Variants in APPL2 observed in about 807,000 individuals in gnomAD.
APPL2 encodes DCC-interacting protein 13-beta.
APPL2 carries 84 observed loss-of-function variants against 92.7 expected under a neutral mutation model. The observed-to-expected ratio is 0.91, with a 90% CI of 0.76 to 1.09. The LOEUF (loss-of-function observed/expected upper bound fraction) is 1.09, where lower values mean the gene tolerates loss of function less well. Ranked by LOEUF, APPL2 falls within the 50% of genes least tolerant of loss-of-function variation. APPL2 has a pLI of 0.00. For missense variants in APPL2, 736 were observed against 824.5 expected (o/e 0.89, Z 1.31); for synonymous variants, 291 against 291.0 (o/e 1.00, Z 0.00).
intron 17 of APPL2, among the ~76,000 whole-genome samples, chr12:105,179,742 G>A (rs1456227512): frequency 1.3e-5 from 2 of 152,174 alleles, no homozygotes; most frequent in African/African-American, 4.8e-5. Flanking sequence ...GTGATGATGA[G>A]CTTTTTTTCA....
intron 5 of APPL2, among the ~76,000 whole-genome samples, chr12:105,209,604 T>G (rs1253048677): frequency 6.6e-6 from 1 of 152,182 alleles, no homozygotes; most frequent in African/African-American, 2.4e-5. Flanking sequence ...TGGAGTTTGT[T>G]TTTAAAATGA....
chr12:105,210,522 C>T (rs556552248), intron 5 of APPL2, among the ~76,000 whole-genome samples: 1 of 152,288 alleles, frequency 6.6e-6, no homozygotes, highest in South Asian at 2.1e-4. Flanking sequence ...CCTTTTCTAA[C>T]ATCAGCGAAG....
chr12:105,183,439 TAAAG>T (rs1186902072), intron 17 of APPL2, among the ~76,000 whole-genome samples: 1 of 152,212 alleles, frequency 6.6e-6, no homozygotes, highest in Non-Finnish European at 1.5e-5. Context: ...GGAGCTCTTG[TAAAG>T]CAGGTGTGGT....
chr12:105,217,126 G>T lies in APPL2; in HGVS notation c.228C>A (p.Gly76=). ...LAYEKQNFAL[G]KGDEEVISTL... ...TTGAAATTACTTCTTCATCACCTTT[G>T]CCAAGAGCAAAGTTCTAAGACCAAA... The change falls in exon 4 of 21, where the codon GGC becomes GGA. Residue 76 remains glycine (G), a synonymous_variant. Transcript: ENST00000258530. 2 of 1,610,230 alleles carry T rather than the reference G, an allele frequency of 1.2e-6. No homozygotes were observed. Among genetic ancestry groups the T allele is most frequent in the Non-Finnish European group, 1.7e-6 (2 of 1,177,484 alleles).
At chr12:105,230,830 T>G (rs1052263110) in intron 1 of APPL2, among the ~76,000 whole-genome samples, 2 of 152,190 alleles carry the variant, frequency 1.3e-5, no homozygotes, top group Admixed American at 1.3e-4. Context: ...CCAATGCTTA[T>G]CCATAGAAGA....
intron 2 of APPL2, among the ~76,000 whole-genome samples, chr12:105,219,920 C>T (rs965798496): frequency 6.6e-6 from 1 of 152,268 alleles, no homozygotes; most frequent in African/African-American, 2.4e-5. Flanking sequence ...CCCACAGAAT[C>T]ATTGTAACAG....
intron 17 of APPL2, among the ~76,000 whole-genome samples, chr12:105,179,397 T>C (rs1359528439): frequency 6.6e-6 from 1 of 152,214 alleles, no homozygotes; most frequent in Non-Finnish European, 1.5e-5. Context: ...TGATGGGCAT[T>C]TGGGTTGGTT....
chr12:105,186,665 CATAT>C (rs71069794), intron 17 of APPL2, among the ~76,000 whole-genome samples: 335 of 109,886 alleles, frequency 3.0e-3, no homozygotes, highest in African/African-American at 5.7e-3. Flanking sequence ...TCATATATAT[CATAT>C]ATATGATATA....
At chr12:105,194,400 G>A (rs751043788) in intron 14 of APPL2, among the ~76,000 whole-genome samples, 8 of 152,148 alleles carry the variant, frequency 5.3e-5, no homozygotes, top group Non-Finnish European at 1.0e-4. Context: ...GTTAATAAAT[G>A]GTAGAATGGG....
At chr12:105,212,370 C>A (rs887927430) in intron 4 of APPL2, among the ~76,000 whole-genome samples, 1 of 152,138 alleles carries the variant, frequency 6.6e-6, no homozygotes, top group East Asian at 1.9e-4. Context: ...TTTTTGCATG[C>A]CAGCTTTATA....
At chr12:105,184,566 TG>T (rs1886415204) in intron 17 of APPL2, among the ~76,000 whole-genome samples, 3 of 152,236 alleles carry the variant, frequency 2.0e-5, no homozygotes, top group Non-Finnish European at 4.4e-5. Context: ...TCTCTTTGCC[TG>T]GGTATCACCA....
At chr12:105,227,480 C>A (rs1008429473) in intron 2 of APPL2, among the ~76,000 whole-genome samples, 1 of 152,228 alleles carries the variant, frequency 6.6e-6, no homozygotes, top group Admixed American at 6.5e-5. Flanking sequence ...TATGCACTCA[C>A]AGGCACGCAC....
chr12:105,184,180 A>C (rs1886384132), intron 17 of APPL2, among the ~76,000 whole-genome samples: 1 of 152,166 alleles, frequency 6.6e-6, no homozygotes, highest in South Asian at 2.1e-4. Context: ...CCAGATTCTT[A>C]GCTTCCTCGC....
rs1592806403 is a variant in APPL2 at position 105,208,161 on chromosome 12, T to C, written c.412A>G (p.Asn138Asp). 6.2e-7 allele frequency: 1 copy of C among 1,614,246 alleles called. No homozygotes were observed. Among genetic ancestry groups the C allele is most frequent in the Middle Eastern group, 1.6e-4 (1 of 6,062 alleles). ...TLKDLFGLAS[N>D]EHDLSMAKYS... Reference sequence around the variant, plus strand: ...CAGGAATGGAGAAGGTGCCTACCATTGCTAGCGAGTCCAAATAGATCCTTT... The same window carrying C: ...CAGGAATGGAGAAGGTGCCTACCATCGCTAGCGAGTCCAAATAGATCCTTT... Residue 138 changes from asparagine (N) to aspartate (D), a missense_variant, in exon 6 of 21, where the codon AAT becomes GAT. Transcript: ENST00000258530.
Position 105,173,311 on chromosome 12 carries a change from T to A in APPL2, c.*1003A>T, listed in dbSNP as rs2440703. The A allele has an allele frequency of 1, 152,447 of 152,448 alleles. 76,223 individuals carry two copies. The highest frequency in any genetic ancestry group is 1 in the Non-Finnish European group (68,048 of 68,048). The allele number at this position is 152,448 out of a possible 1,614,324, so 9.4% of individuals were successfully genotyped here. On this transcript the variant is annotated 3_prime_UTR_variant, in exon 21 of 21. Coordinates refer to ENST00000258530, the MANE Select transcript of APPL2 (RefSeq NM_018171.5). ...CACATCTAACGAAAGAAACAGAATA[T>A]TTTTTATTGCTAGGTTAATTTATTA...
intron 19 of APPL2, 105 bp from the exon 20 acceptor site, chr12:105,176,187 C>T (rs761319416): frequency 2.0e-6 from 2 of 981,782 alleles, no homozygotes; most frequent in Admixed American, 5.3e-5. Flanking sequence ...TCACTGTTCC[C>T]ACTTGGGAAC....
chr12:105,221,929 T>C (rs1417543469), intron 2 of APPL2, among the ~76,000 whole-genome samples: 1 of 152,234 alleles, frequency 6.6e-6, no homozygotes, highest in African/African-American at 2.4e-5. Flanking sequence ...CCCAAGGGCC[T>C]CTGTGCGCAG....
chr12:105,213,433 G>A (rs1889382957), intron 4 of APPL2, among the ~76,000 whole-genome samples: 2 of 152,214 alleles, frequency 1.3e-5, no homozygotes, highest in South Asian at 4.1e-4. Flanking sequence ...AGGCATGTGA[G>A]GACAAGACAG....
At chr12:105,192,685 C>T (rs77064966) in intron 14 of APPL2, among the ~76,000 whole-genome samples, 328 of 152,306 alleles carry the variant, frequency 2.2e-3, no homozygotes, top group African/African-American at 7.6e-3. Flanking sequence ...CTCCTCTTCA[C>T]CCTCCATGAC....
Sources: gnomAD v4.1 joint callset for allele counts (sites outside exome capture counted in the v4.1 genomes callset) on GRCh38, gnomAD v4.1.1 for gene constraint, MANE v1.5 for transcripts, NCBI Gene and HGNC (gene_info 2026-07-23, HGNC 2026-07-21) for gene names.